Variants in CRCP observed in about 807,000 individuals in gnomAD.
CRCP encodes the protein CGRP receptor component, also known as DNA-directed RNA polymerase III subunit RPC9.
A neutral mutation model predicts 18.5 loss-of-function variants in CRCP; 18 were observed. The ratio of observed to expected loss-of-function variants is 0.97; its 90% CI spans 0.67 to 1.44. CRCP has a LOEUF of 1.44. Among genes scored for constraint, CRCP ranks in the 40% most tolerant of loss-of-function variants. The probability of loss-of-function intolerance (pLI) is 0.00; values close to 1 mark genes in which losing one functional copy is unlikely to be tolerated. For missense variants in CRCP, 130 were observed against 176.4 expected (o/e 0.74, Z 1.49); for synonymous variants, 53 against 62.9 (o/e 0.84, Z 0.75).
chr7:66,131,263 C>T (rs766067931), intron 3 of CRCP, among the ~76,000 whole-genome samples: 31 of 152,028 alleles, frequency 2.0e-4, no homozygotes, highest in Non-Finnish European at 3.2e-4. Flanking sequence ...CATGAGCCAC[C>T]GCGCCCAGCC....
chr7:66,121,166 C>T (rs1787429638), intron 1 of CRCP, among the ~76,000 whole-genome samples: 1 of 151,718 alleles, frequency 6.6e-6, no homozygotes, highest in Non-Finnish European at 1.5e-5. Context: ...CCTCCGCCTC[C>T]CGAGTTCAAG....
At chr7:66,148,562 C>G (rs1342406908) in intron 5 of CRCP, among the ~76,000 whole-genome samples, 1 of 152,138 alleles carries the variant, frequency 6.6e-6, no homozygotes, top group African/African-American at 2.4e-5. Flanking sequence ...TCTTCAGTTA[C>G]GCCTGGGCTG....
chr7:66,145,885 C>T (rs541175063), intron 5 of CRCP, among the ~76,000 whole-genome samples: 5 of 152,344 alleles, frequency 3.3e-5, no homozygotes, highest in South Asian at 2.1e-4. Context: ...CTTGCTTCCT[C>T]TCTTTCTGGG....
At chr7:66,140,368 T>C (rs1788098294) in intron 4 of CRCP, among the ~76,000 whole-genome samples, 1 of 152,070 alleles carries the variant, frequency 6.6e-6, no homozygotes, top group African/African-American at 2.4e-5. Flanking sequence ...TTTTGTTTTT[T>C]TGTCTGGAGA....
At chr7:66,140,395 C>CTTTTTT (rs34069697) in intron 4 of CRCP, among the ~76,000 whole-genome samples, 1 of 142,838 alleles carries the variant, frequency 7.0e-6, no homozygotes, top group Non-Finnish European at 1.5e-5. Flanking sequence ...CTTTTCTTTT[C>CTTTTTT]TTTTTTTTTT....
At chr7:66,142,395 A>G (rs911682774) in intron 4 of CRCP, among the ~76,000 whole-genome samples, 1 of 152,174 alleles carries the variant, frequency 6.6e-6, no homozygotes, top group African/African-American at 2.4e-5. Flanking sequence ...TTCCTCCACA[A>G]TCATTCCTCA....
intron 4 of CRCP, among the ~76,000 whole-genome samples, chr7:66,137,563 G>A (rs913021243): frequency 1.4e-4 from 22 of 152,222 alleles, no homozygotes; most frequent in African/African-American, 5.1e-4. Context: ...TCACCATTAA[G>A]TATGATGCTA....
chr7:66,144,389 G>C (rs1396135881), intron 4 of CRCP, among the ~76,000 whole-genome samples: 1 of 152,122 alleles, frequency 6.6e-6, no homozygotes. Flanking sequence ...TCCCTGTTTT[G>C]TTTACTAAGA....
chr7:66,128,393 A>T (rs1004682665), intron 2 of CRCP, among the ~76,000 whole-genome samples: 7 of 152,198 alleles, frequency 4.6e-5, no homozygotes, highest in Non-Finnish European at 7.3e-5. Flanking sequence ...ATTTCCCATT[A>T]AAATTTTTAT....
In CRCP at chr7:66,146,374, G is replaced by A. The variant is rs570456937; in HGVS notation, c.297+874G>A. Among the ~76,000 whole-genome samples, 26 of 152,044 alleles carry A rather than the reference G, an allele frequency of 1.7e-4. No individual in the cohort carries two copies. The South Asian group carries it at 5.2e-3, about 30-fold the overall frequency. On this transcript the variant is annotated intron_variant, in intron 5 of 5. Coordinates refer to ENST00000395326, the MANE Select transcript of CRCP (RefSeq NM_014478.5). ...GGCCACCACTGGGCACGCTGTGGCC[G>A]CTGCCTTCTTATTACAGGGCAGAGA...
chr7:66,150,551 G>A (rs1401297918), intron 5 of CRCP: 2 of 151,944 alleles, frequency 1.3e-5, no homozygotes, highest in Admixed American at 1.3e-4. Flanking sequence ...TGAAGTGAGT[G>A]GAGAGACCAG....
At chr7:66,125,077 G>A (rs1354130259) in intron 1 of CRCP, among the ~76,000 whole-genome samples, 1 of 149,244 alleles carries the variant, frequency 6.7e-6, no homozygotes, top group Non-Finnish European at 1.5e-5. Flanking sequence ...TAACCCAGTT[G>A]TTTTGAAGAC....
In CRCP at chr7:66,131,273, C is replaced by G. The variant is rs550416707; in HGVS notation, c.144+431C>G. On this transcript the variant is annotated intron_variant, in intron 3 of 5. Transcript: ENST00000395326. ...ACAGGCATGAGCCACCGCGCCCAGCCTACTCTAACCTAATTTTTATTCTGT... is the reference window on the plus strand; with the variant it reads ...ACAGGCATGAGCCACCGCGCCCAGCGTACTCTAACCTAATTTTTATTCTGT... Among the ~76,000 whole-genome samples, 5 of 152,266 alleles carry G rather than the reference C, an allele frequency of 3.3e-5. 1 individual carries two copies. The South Asian group carries it at 1.0e-3, about 32-fold the overall frequency.
chr7:66,150,356 A>AACTCT (rs1554334963), intron 5 of CRCP, among the ~76,000 whole-genome samples: 13 of 151,392 alleles, frequency 8.6e-5, no homozygotes, highest in Admixed American at 1.3e-4. Context: ...ACAAGAGTGA[A>AACTCT]GGGGGGGAGT....
At chr7:66,151,574 C>A (rs143133173) in intron 5 of CRCP, among the ~76,000 whole-genome samples, 2 of 150,338 alleles carry the variant, frequency 1.3e-5, no homozygotes, top group Admixed American at 1.3e-4. Context: ...TCCTGCCCCC[C>A]CAAAAAAAAA....
chr7:66,128,217 T>G (rs1412846197), intron 2 of CRCP, among the ~76,000 whole-genome samples: 2 of 152,142 alleles, frequency 1.3e-5, no homozygotes, highest in Non-Finnish European at 2.9e-5. Context: ...CTGGTGGACC[T>G]TGGAATAGTG....
intron 1 of CRCP, among the ~76,000 whole-genome samples, chr7:66,116,079 G>A (rs1347036200): frequency 6.6e-6 from 1 of 152,072 alleles, no homozygotes; most frequent in African/African-American, 2.4e-5. Context: ...GATTGCAGGC[G>A]TGAGCCACTT....
At chr7:66,118,691 C>T (rs1280374771) in intron 1 of CRCP, among the ~76,000 whole-genome samples, 1 of 152,206 alleles carries the variant, frequency 6.6e-6, no homozygotes, top group Non-Finnish European at 1.5e-5. Flanking sequence ...TTTAAATCAT[C>T]TCTAGATGAC....
intron 5 of CRCP, among the ~76,000 whole-genome samples, chr7:66,148,824 A>G (rs1201699668): frequency 3.3e-5 from 5 of 152,198 alleles, no homozygotes; most frequent in Non-Finnish European, 5.9e-5. Context: ...TTGCTTGTAA[A>G]ACACTGTTAC....
Sources: gnomAD v4.1 joint callset for allele counts (sites outside exome capture counted in the v4.1 genomes callset) on GRCh38, gnomAD v4.1.1 for gene constraint, MANE v1.5 for transcripts, NCBI Gene and HGNC (gene_info 2026-07-23, HGNC 2026-07-21) for gene names.